Variants in ST3GAL6 observed in about 807,000 individuals in gnomAD.
ST3GAL6 encodes the protein type 2 lactosamine alpha-2,3-sialyltransferase.
In ST3GAL6, 31 loss-of-function variants were observed where a neutral mutation model predicts 40.5. That is an observed-to-expected ratio of 0.77 (90% CI 0.58 to 1.03). ST3GAL6 has a LOEUF of 1.03. Ranked by LOEUF, ST3GAL6 falls within the 50% of genes least tolerant of loss-of-function variation. The pLI, the probability that ST3GAL6 is intolerant of heterozygous loss-of-function variation, is 0.00. For missense variants in ST3GAL6, 357 were observed against 393.2 expected (o/e 0.91, Z 0.78); for synonymous variants, 129 against 136.9 (o/e 0.94, Z 0.40).
chr3:98,766,697 A>G (rs1313082222), intron 1 of ST3GAL6, among the ~76,000 whole-genome samples: 1 of 152,204 alleles, frequency 6.6e-6, no homozygotes, highest in Admixed American at 6.5e-5. Flanking sequence ...CTGGGATTAC[A>G]GGCATGAGCC....
Position 98,733,138 on chromosome 3 carries a change from C to G in ST3GAL6, c.-12+606C>G, listed in dbSNP as rs75864651. 3.0e-3 allele frequency: 3,735 copies of G among 1,258,450 alleles called. 104 individuals are homozygous for G. The African/African-American group carries it at 0.054, about 18-fold the overall frequency. The allele number at this position is 1,258,450 out of a possible 1,614,324, so 78.0% of individuals were successfully genotyped here. ...CAGGGTTGGGGGTGGGGACACGGAG[C>G]GCTGTTTGCCCCTCCACATATCCTG... On this transcript the variant is annotated intron_variant, in intron 1 of 9. Coordinates refer to the ST3GAL6 transcript ENST00000265261.
intron 1 of ST3GAL6, among the ~76,000 whole-genome samples, chr3:98,736,143 T>G (rs1421896842): frequency 6.6e-6 from 1 of 152,214 alleles, no homozygotes; most frequent in Non-Finnish European, 1.5e-5. Flanking sequence ...AACTTTTGTA[T>G]CTGACCAGGG....
At chr3:98,780,082 G>A (rs182192521) in intron 5 of ST3GAL6, among the ~76,000 whole-genome samples, 6 of 152,312 alleles carry the variant, frequency 3.9e-5, no homozygotes, top group African/African-American at 1.2e-4. Flanking sequence ...AAAGGCAGAG[G>A]AAGCCAGAAT....
At chr3:98,785,145 G>C in intron 6 of ST3GAL6, 105 bp downstream of exon 6, 1 of 658,820 alleles carries the variant, frequency 1.5e-6, no homozygotes, top group Non-Finnish European at 2.4e-6. Context: ...TTTCCATTTG[G>C]TTTTTTTTTT....
exon 1 of ST3GAL6, chr3:98,732,524 G>T: frequency 4.2e-6 from 1 of 236,866 alleles, no homozygotes; most frequent in Non-Finnish European, 8.2e-6. Flanking sequence ...TGTCCGCCCC[G>T]CCCGAAAGGT....
intron 6 of ST3GAL6, among the ~76,000 whole-genome samples, chr3:98,786,955 AGTGTGTGTGTGTGT>A (rs60592978): frequency 4.1e-5 from 6 of 147,476 alleles, no homozygotes; most frequent in East Asian, 2.0e-4. Flanking sequence ...ATCTGGGATA[AGTGTGTGTGTGTGT>A]GTGTGTGTGT....
At chr3:98,733,221 C>A (rs1006812066) in intron 1 of ST3GAL6, 32 of 959,226 alleles carry the variant, frequency 3.3e-5, no homozygotes, top group Non-Finnish European at 3.8e-5. Context: ...CTGGGACCCG[C>A]GAGCCAGCCG....
At chr3:98,764,103 GTCTT>G (rs1938078882) in intron 1 of ST3GAL6, among the ~76,000 whole-genome samples, 2 of 152,160 alleles carry the variant, frequency 1.3e-5, no homozygotes, top group Admixed American at 1.3e-4. Context: ...AACGCCAAGG[GTCTT>G]TCTTCCTTGG....
chr3:98,742,535 T>C (rs1272668569), intron 1 of ST3GAL6, among the ~76,000 whole-genome samples: 1 of 152,182 alleles, frequency 6.6e-6, no homozygotes, highest in African/African-American at 2.4e-5. Flanking sequence ...ATCAGCATAT[T>C]TGCAGCACTG....
chr3:98,793,606 T>G, intron 9 of ST3GAL6, 69 bp from the exon 10 acceptor site: 1 of 919,344 alleles, frequency 1.1e-6, no homozygotes, highest in Non-Finnish European at 1.6e-6. Flanking sequence ...AGATATAAAG[T>G]ACTCCATTGG....
chr3:98,758,545 G>C (rs1425290971), upstream of ST3GAL6, among the ~76,000 whole-genome samples: 2 of 152,172 alleles, frequency 1.3e-5, no homozygotes, highest in Admixed American at 1.3e-4. Context: ...TCTAAGATGA[G>C]TTTTGCCAGT....
At chr3:98,772,738 C>A in intron 3 of ST3GAL6, 75 bp from the exon 4 acceptor site, 1 of 971,744 alleles carries the variant, frequency 1.0e-6, no homozygotes, top group Non-Finnish European at 1.7e-6. Flanking sequence ...GCTGTAGTTA[C>A]TTTTAGTTTT....
At chr3:98,766,405 CTTTTT>C (rs369996406) in intron 1 of ST3GAL6, among the ~76,000 whole-genome samples, 1 of 104,104 alleles carries the variant, frequency 9.6e-6, no homozygotes. Context: ...AAATGTCATT[CTTTTT>C]TTTTTTTTTT....
At chr3:98,759,098 A>T (rs531249677), upstream of ST3GAL6, among the ~76,000 whole-genome samples, 1 of 152,318 alleles carries the variant, frequency 6.6e-6, no homozygotes, top group Admixed American at 6.5e-5. Context: ...AGACCAAATC[A>T]TGGAAGTCTT....
chr3:98,750,945 C>T (rs115931), intron 1 of ST3GAL6, among the ~76,000 whole-genome samples: 80,142 of 151,980 alleles, frequency 0.53, 21,990 homozygotes, highest in African/African-American at 0.67. Flanking sequence ...GTCTTGTTTC[C>T]TTCCTTGATT....
chr3:98,747,546 A>T (rs1410006256), intron 1 of ST3GAL6, among the ~76,000 whole-genome samples: 1 of 152,204 alleles, frequency 6.6e-6, no homozygotes, highest in Admixed American at 6.5e-5. Flanking sequence ...ATTGGCAAAA[A>T]GTGATTTGGC....
intron 5 of ST3GAL6, among the ~76,000 whole-genome samples, chr3:98,781,192 G>C (rs1342363207): frequency 6.6e-6 from 1 of 152,128 alleles, no homozygotes; most frequent in Non-Finnish European, 1.5e-5. Context: ...CATGGATGAA[G>C]CTGGAAACTA....
At position 98,788,474 on chromosome 3, in the gene ST3GAL6, A is replaced by G. The variant is rs1000144029; in HGVS notation, c.756+11A>G. 6.3e-7 allele frequency: 1 copy of G among 1,597,412 alleles called. No homozygotes were observed. The highest frequency in any genetic ancestry group is 1.1e-5 in the South Asian group (1 of 87,518). On this transcript the variant is annotated intron_variant, in intron 8 of 9. Transcript: ENST00000483910. ...TTTCCCAAAAATCAGGTATGTATTT[A>G]TCTCTGCATGGTTTCAAACTACAGA...
Sources: allele counts gnomAD v4.1 joint callset (sites outside exome capture counted in the v4.1 genomes callset), GRCh38; gene constraint gnomAD v4.1.1; transcripts MANE v1.5; gene names NCBI Gene and HGNC (gene_info 2026-07-23, HGNC 2026-07-21).